Variants in PCCA observed in about 807,000 individuals in gnomAD.
PCCA encodes propionyl-CoA carboxylase alpha chain, mitochondrial.
PCCA carries 74 observed loss-of-function variants against 101.3 expected under a neutral mutation model. The observed-to-expected ratio is 0.73, with a 90% CI of 0.61 to 0.89. The LOEUF (loss-of-function observed/expected upper bound fraction) is 0.89, where lower values mean the gene tolerates loss of function less well. PCCA is among the 40% of genes least tolerant of loss of function. The pLI is 0.00. For synonymous variants in PCCA, 294 were observed against 313.6 expected, an observed-to-expected ratio of 0.94 and a Z score of 0.66; for missense variants, 891 against 907.0, an observed-to-expected ratio of 0.98 and a Z score of 0.23.
intron 7 of PCCA, among the ~76,000 whole-genome samples, chr13:100,226,519 A>C (rs959255716): frequency 3.3e-5 from 5 of 152,162 alleles, no homozygotes; most frequent in Non-Finnish European, 7.3e-5. Flanking sequence ...ATCTGGGAAG[A>C]ATGATTCGAA....
intron 4 of PCCA, among the ~76,000 whole-genome samples, chr13:100,141,524 C>A (rs1162521614): frequency 1.3e-5 from 2 of 152,154 alleles, no homozygotes; most frequent in Non-Finnish European, 2.9e-5. Context: ...GATTATTATG[C>A]CTCAGCCTCC....
At chr13:100,379,778 G>A (rs2076123542) in intron 19 of PCCA, among the ~76,000 whole-genome samples, 2 of 151,988 alleles carry the variant, frequency 1.3e-5, no homozygotes, top group Non-Finnish European at 2.9e-5. Context: ...GGAACCACAC[G>A]GGGAAGACCC....
At chr13:100,332,228 G>A (rs983459570) in intron 17 of PCCA, among the ~76,000 whole-genome samples, 4 of 152,228 alleles carry the variant, frequency 2.6e-5, no homozygotes, top group Admixed American at 1.3e-4. Flanking sequence ...GTGAGCTACC[G>A]TACCTGGCCG....
rs533650595 is a variant in PCCA at position 100,197,286 on chromosome 13, C to A, written c.469-12046C>A. ...GCAGTGGTGTGAACATGGCTCACTG[C>A]AGCCTTGACCTCCTGGGCTCAAGCA... On this transcript the variant is annotated intron_variant, in intron 6 of 23. Transcript: ENST00000376285. Among the ~76,000 whole-genome samples, 13 of 152,234 alleles carry A rather than the reference C, an allele frequency of 8.5e-5. No individual in the cohort carries two copies. The East Asian group carries it at 2.5e-3, about 29-fold the overall frequency.
At chr13:100,478,853 A>G (rs560284502) in intron 21 of PCCA, among the ~76,000 whole-genome samples, 36 of 152,292 alleles carry the variant, frequency 2.4e-4, no homozygotes, top group African/African-American at 7.9e-4. Flanking sequence ...GGCTCCTCAT[A>G]TTATAGTAAC....
intron 19 of PCCA, among the ~76,000 whole-genome samples, chr13:100,391,265 C>T (rs1251379540): frequency 2.0e-5 from 3 of 152,178 alleles, no homozygotes; most frequent in Admixed American, 6.5e-5. Context: ...AACCACCACA[C>T]CCAGCCTCTG....
chr13:100,360,966 A>G (rs191645204), intron 18 of PCCA, among the ~76,000 whole-genome samples: 4 of 152,356 alleles, frequency 2.6e-5, no homozygotes, highest in Admixed American at 1.3e-4. Context: ...ATTTAGCAAT[A>G]AAAAGAAATG....
chr13:100,460,447 T>C (rs1190969159), intron 21 of PCCA, among the ~76,000 whole-genome samples: 2 of 152,196 alleles, frequency 1.3e-5, no homozygotes, highest in East Asian at 1.9e-4. Context: ...TTAGACTCCA[T>C]TGAACAGCTT....
chr13:100,467,559 A>G (rs949709880), intron 21 of PCCA, among the ~76,000 whole-genome samples: 6 of 152,172 alleles, frequency 3.9e-5, no homozygotes, highest in African/African-American at 1.4e-4. Context: ...TTTAGTAGAC[A>G]CGGGGTTTCA....
chr13:100,491,573 T>C (rs1320371409), intron 21 of PCCA: 1 of 806,950 alleles, frequency 1.2e-6, no homozygotes, highest in Non-Finnish European at 1.8e-6. Flanking sequence ...AGCTGCAAAA[T>C]GTTGCCCTTG....
At chr13:100,102,338 A>G (rs981831208) in intron 1 of PCCA, among the ~76,000 whole-genome samples, 4 of 152,158 alleles carry the variant, frequency 2.6e-5, no homozygotes, top group African/African-American at 9.7e-5. Flanking sequence ...AAGCATTAAG[A>G]TACGCTTTCT....
intron 4 of PCCA, among the ~76,000 whole-genome samples, chr13:100,113,219 C>T (rs2048486389): frequency 1.3e-5 from 2 of 152,154 alleles, no homozygotes; most frequent in Admixed American, 1.3e-4. Context: ...CAGCACGTGA[C>T]TGTACTAAAT....
chr13:100,089,433 G>T (rs1593999847), intron 1 of PCCA, among the ~76,000 whole-genome samples: 1 of 152,256 alleles, frequency 6.6e-6, no homozygotes. Flanking sequence ...TGTTCCTCGC[G>T]GGGATCCTGC....
At chr13:100,371,902 G>C (rs1343237029) in intron 19 of PCCA, among the ~76,000 whole-genome samples, 2 of 152,114 alleles carry the variant, frequency 1.3e-5, no homozygotes, top group Non-Finnish European at 1.5e-5. Context: ...AATGGCTTTT[G>C]ACAAGAGTTT....
chr13:100,344,463 A>G (rs1315974195), intron 18 of PCCA, among the ~76,000 whole-genome samples: 1 of 152,176 alleles, frequency 6.6e-6, no homozygotes, highest in Admixed American at 6.5e-5. Context: ...TAATAATAAT[A>G]TATATGCCCC....
At chr13:100,506,356 TCAGAC>T (rs1426856330) in intron 21 of PCCA, among the ~76,000 whole-genome samples, 54 of 126,330 alleles carry the variant, frequency 4.3e-4, no homozygotes, top group African/African-American at 1.5e-3. Context: ...TTCTGCTACT[TCAGAC>T]CAGAAACCTT....
Position 100,328,195 on chromosome 13 carries a change from T to C in PCCA, c.1430-2366T>C, listed in dbSNP as rs1014733702. Reference sequence around the variant, plus strand: ...CTGGCCAACATGATGAAACCCCGTCTCTAGTAAAAATACAAAAATTAGCTG... The same window carrying C: ...CTGGCCAACATGATGAAACCCCGTCCCTAGTAAAAATACAAAAATTAGCTG... On this transcript the variant is annotated intron_variant, in intron 16 of 23. Coordinates refer to ENST00000376285, the MANE Select transcript of PCCA (RefSeq NM_000282.4). Among the ~76,000 whole-genome samples the C allele has an allele frequency of 5.3e-5, 8 of 152,066 alleles. No homozygotes were observed. In the East Asian group the frequency reaches 1.5e-3, roughly 29 times the overall value.
intron 21 of PCCA, among the ~76,000 whole-genome samples, chr13:100,499,762 G>T (rs2152987514): frequency 6.6e-6 from 1 of 152,362 alleles, no homozygotes; most frequent in African/African-American, 2.4e-5. Flanking sequence ...ATGTAAGCAA[G>T]ACAAGTATAT....
At chr13:100,284,679 T>C (rs1175352102) in intron 12 of PCCA, among the ~76,000 whole-genome samples, 1 of 152,210 alleles carries the variant, frequency 6.6e-6, no homozygotes. Context: ...CCCTGCTCTC[T>C]CAAGTACCAG....
Sources: allele counts gnomAD v4.1 joint callset (sites outside exome capture counted in the v4.1 genomes callset), GRCh38; gene constraint gnomAD v4.1.1; transcripts MANE v1.5; gene names NCBI Gene and HGNC (gene_info 2026-07-23, HGNC 2026-07-21).